The following SPEF2 variants were observed in gnomAD, a reference collection of about 807,000 sequenced individuals.
SPEF2 encodes sperm flagella and cilia-associated protein 2.
A neutral mutation model predicts 224.6 loss-of-function variants in SPEF2; 187 were observed. That is an observed-to-expected ratio of 0.83 (90% CI 0.74 to 0.94). The LOEUF is 0.94. Ranked by LOEUF, SPEF2 falls within the 40% of genes least tolerant of loss-of-function variation. The pLI is 0.00. For synonymous variants in SPEF2, 715 were observed against 707.3 expected (o/e 1.01, Z -0.17); for missense variants, 2,170 against 2,135.6 (o/e 1.02, Z -0.32).
At chr5:35,713,256 TAA>T (rs1741558563) in intron 20 of SPEF2, among the ~76,000 whole-genome samples, 1 of 152,062 alleles carries the variant, frequency 6.6e-6, no homozygotes, top group African/African-American at 2.4e-5. Context: ...CGGTAAAAAA[TAA>T]AATAAAAATC....
At chr5:35,661,256 A>T (rs1413019441) in intron 8 of SPEF2, among the ~76,000 whole-genome samples, 5 of 5,354 alleles carry the variant, frequency 9.3e-4, no homozygotes, top group Admixed American at 6.3e-3. Flanking sequence ...GGTATATATT[A>T]TATATATATA....
chr5:35,793,010 T>G (rs1756168330), intron 31 of SPEF2, 149 bp from the exon 32 acceptor site: 1 of 701,656 alleles, frequency 1.4e-6, no homozygotes, highest in African/African-American at 1.8e-5. Context: ...GTTGGTAGAA[T>G]AAAGGAAACA....
intron 21 of SPEF2, among the ~76,000 whole-genome samples, chr5:35,739,604 C>T (rs1477724851): frequency 6.6e-6 from 1 of 152,158 alleles, no homozygotes; most frequent in Non-Finnish European, 1.5e-5. Context: ...TGGTCTAGAA[C>T]TCCTGACCTT....
chr5:35,641,286 A>G, intron 2 of SPEF2, 145 bp from the exon 3 acceptor site: 3 of 885,082 alleles, frequency 3.4e-6, no homozygotes, highest in Non-Finnish European at 3.3e-6. Context: ...ATGTAGTTAC[A>G]TTAGAGTGGT....
At chr5:35,776,468 G>A in intron 29 of SPEF2, 73 bp downstream of exon 29, 1 of 1,500,148 alleles carries the variant, frequency 6.7e-7, no homozygotes, top group Non-Finnish European at 8.9e-7. Flanking sequence ...AGATTTTTAA[G>A]GTATTTACAA....
At chr5:35,691,288 T>C in intron 11 of SPEF2, 32 bp downstream of exon 11, 3 of 1,558,988 alleles carry the variant, frequency 1.9e-6, no homozygotes, top group Admixed American at 3.3e-5. Flanking sequence ...TCCCTGCCAT[T>C]AGGTCCTATT....
At chr5:35,652,803 A>T (rs1487744453) in intron 6 of SPEF2, among the ~76,000 whole-genome samples, 2 of 152,178 alleles carry the variant, frequency 1.3e-5, no homozygotes, top group Admixed American at 1.3e-4. Context: ...ATTAAACATG[A>T]GTTAACTATG....
At chr5:35,724,357 A>G (rs1297401978) in intron 20 of SPEF2, among the ~76,000 whole-genome samples, 2 of 152,188 alleles carry the variant, frequency 1.3e-5, no homozygotes, top group Non-Finnish European at 2.9e-5. Context: ...CTCTTAATGA[A>G]TCTGTTTATC....
At chr5:35,794,562 T>G (rs1177478379) in intron 32 of SPEF2, among the ~76,000 whole-genome samples, 1 of 152,244 alleles carries the variant, frequency 6.6e-6, no homozygotes, top group Non-Finnish European at 1.5e-5. Flanking sequence ...AAGGTGGTTT[T>G]GTTTGAAAAC....
chr5:35,792,641 A>G (rs1756124639), intron 31 of SPEF2, among the ~76,000 whole-genome samples, 195 bp downstream of exon 31: 1 of 152,242 alleles, frequency 6.6e-6, no homozygotes, highest in South Asian at 2.1e-4. Flanking sequence ...TTGAAGAATA[A>G]GTGATGATCT....
chr5:35,623,999 A>C (rs537622186), intron 1 of SPEF2, among the ~76,000 whole-genome samples: 1 of 152,334 alleles, frequency 6.6e-6, no homozygotes, highest in South Asian at 2.1e-4. Context: ...CCCAAGGTGA[A>C]GCAGCTTGTA....
chr5:35,625,702 G>A (rs990310779), intron 1 of SPEF2, among the ~76,000 whole-genome samples: 2 of 152,164 alleles, frequency 1.3e-5, no homozygotes, highest in African/African-American at 2.4e-5. Context: ...AGGGAGGAGA[G>A]AAGGGAAGAG....
At chr5:35,801,741 C>T (rs566719133) in intron 34 of SPEF2, among the ~76,000 whole-genome samples, 1 of 152,170 alleles carries the variant, frequency 6.6e-6, no homozygotes, top group South Asian at 2.1e-4. Flanking sequence ...TATATGTTCC[C>T]ATGGTGCACC....
chr5:35,670,738 G>A, intron 10 of SPEF2: 1 of 985,832 alleles, frequency 1.0e-6, no homozygotes. Flanking sequence ...AAGAACTGTT[G>A]TAAAGCCTTT....
At chr5:35,626,708 C>CT (rs1744310785) in intron 1 of SPEF2, among the ~76,000 whole-genome samples, 1 of 152,080 alleles carries the variant, frequency 6.6e-6, no homozygotes, top group South Asian at 2.1e-4. Context: ...TTTTAACTAC[C>CT]TTTATTATTG....
chr5:35,644,836 A>G (rs1747128817), intron 4 of SPEF2, among the ~76,000 whole-genome samples: 1 of 152,262 alleles, frequency 6.6e-6, no homozygotes, highest in Admixed American at 6.5e-5. Flanking sequence ...GAGGGTTGCT[A>G]TTAGCTACCC....
intron 33 of SPEF2, among the ~76,000 whole-genome samples, chr5:35,796,492 G>A (rs1756685563): frequency 6.6e-6 from 1 of 151,854 alleles, no homozygotes; most frequent in East Asian, 1.9e-4. Flanking sequence ...GGCGCCTGTA[G>A]TCCCAGCTAC....
intron 30 of SPEF2, among the ~76,000 whole-genome samples, chr5:35,787,566 C>A (rs1268316194): frequency 6.6e-6 from 1 of 152,166 alleles, no homozygotes; most frequent in Non-Finnish European, 1.5e-5. Context: ...CTCCGCTCCA[C>A]CACTTACAGG....
At chr5:35,717,568 C>A (rs983795758) in intron 20 of SPEF2, among the ~76,000 whole-genome samples, 1 of 151,948 alleles carries the variant, frequency 6.6e-6, no homozygotes, top group Non-Finnish European at 1.5e-5. Context: ...GGCTCACAGA[C>A]GGCTTAAAGG....
Sources: allele counts gnomAD v4.1 joint callset (sites outside exome capture counted in the v4.1 genomes callset), GRCh38; gene constraint gnomAD v4.1.1; transcripts MANE v1.5; gene names NCBI Gene and HGNC (gene_info 2026-07-23, HGNC 2026-07-21).